The following CDKAL1 variants were observed in gnomAD, a reference collection of about 807,000 sequenced individuals.
CDKAL1 encodes the protein threonylcarbamoyladenosine tRNA methylthiotransferase.
CDKAL1 carries 32 observed loss-of-function variants against 68.2 expected under a neutral mutation model. That is an observed-to-expected ratio of 0.47 (90% CI 0.35 to 0.63). The LOEUF is 0.63. Among genes scored for constraint, CDKAL1 ranks in the 30% least tolerant of loss-of-function variants. The pLI, the probability that CDKAL1 is intolerant of heterozygous loss-of-function variation, is 0.00. For synonymous variants in CDKAL1, 234 were observed against 244.3 expected (o/e 0.96, Z 0.39); for missense variants, 606 against 696.7 (o/e 0.87, Z 1.47).
chr6:21,059,011 A>G (rs1770992761), intron 11 of CDKAL1, among the ~76,000 whole-genome samples: 1 of 152,190 alleles, frequency 6.6e-6, no homozygotes, highest in African/African-American at 2.4e-5. Context: ...AGCAGGCAGG[A>G]AAGACTAAGT....
intron 15 of CDKAL1, among the ~76,000 whole-genome samples, chr6:21,222,716 C>G (rs1779581562): frequency 6.6e-6 from 1 of 152,030 alleles, no homozygotes; most frequent in African/African-American, 2.4e-5. Flanking sequence ...GTTGTCTTGT[C>G]AATTCAAGGA....
intron 8 of CDKAL1, among the ~76,000 whole-genome samples, chr6:20,833,859 G>C (rs553425842): frequency 1.3e-5 from 2 of 152,190 alleles, no homozygotes; most frequent in East Asian, 3.9e-4. Flanking sequence ...ATGCAAGGTT[G>C]GGTAGGAGAG....
At chr6:20,659,259 A>G (rs1206427088) in intron 5 of CDKAL1, among the ~76,000 whole-genome samples, 1 of 152,232 alleles carries the variant, frequency 6.6e-6, no homozygotes, top group Non-Finnish European at 1.5e-5. Context: ...ACTTTAAATA[A>G]TACTATAGTT....
chr6:20,976,326 G>A (rs544338317), intron 10 of CDKAL1, among the ~76,000 whole-genome samples: 2 of 152,244 alleles, frequency 1.3e-5, no homozygotes, highest in Admixed American at 6.5e-5. Flanking sequence ...GTTAAGTGAA[G>A]TGATGTTTAC....
At chr6:20,618,043 A>G (rs937623828) in intron 4 of CDKAL1, among the ~76,000 whole-genome samples, 1 of 152,042 alleles carries the variant, frequency 6.6e-6, no homozygotes, top group Admixed American at 6.5e-5. Context: ...AACGGTGTAA[A>G]AGTGTTCTAT....
intron 5 of CDKAL1, among the ~76,000 whole-genome samples, chr6:20,672,234 TTC>T (rs749999617): frequency 3.8e-5 from 3 of 79,770 alleles, no homozygotes; most frequent in South Asian, 4.8e-4. Flanking sequence ...TTTCTTTTCT[TTC>T]TCTTTCTTTC....
chr6:20,558,698 C>A, intron 4 of CDKAL1: 1 of 430,724 alleles, frequency 2.3e-6, no homozygotes. Context: ...GCAGTGGTGA[C>A]AAGGTCAAGG....
chr6:20,882,027 G>A (rs1449552157), intron 9 of CDKAL1, among the ~76,000 whole-genome samples: 6 of 152,034 alleles, frequency 3.9e-5, no homozygotes, highest in Non-Finnish European at 7.4e-5. Flanking sequence ...GGAATCATGC[G>A]ATATGTAGCC....
intron 13 of CDKAL1, among the ~76,000 whole-genome samples, chr6:21,153,885 AGGACACT>A (rs1776526220): frequency 6.6e-6 from 1 of 152,178 alleles, no homozygotes; most frequent in African/African-American, 2.4e-5. Context: ...TCATTTGAGA[AGGACACT>A]GGACTTTTTT....
At chr6:21,113,256 T>C (rs1197246653) in intron 13 of CDKAL1, among the ~76,000 whole-genome samples, 5 of 152,200 alleles carry the variant, frequency 3.3e-5, no homozygotes, top group Middle Eastern at 3.2e-3. Context: ...CTTTGGTATT[T>C]TAGAAATAAC....
rs62403360 is a variant in CDKAL1 at position 20,984,738 on chromosome 6, A to G, written c.910-15489A>G. On this transcript the variant is annotated intron_variant, in intron 10 of 15. Transcript: ENST00000274695. Reference sequence around the variant, plus strand: ...TCAAGCTGCTTCTCTCTGACGTCCAACTACAATCTCCAGTGTCCAGCTGCT... The same window carrying G: ...TCAAGCTGCTTCTCTCTGACGTCCAGCTACAATCTCCAGTGTCCAGCTGCT... Among the ~76,000 whole-genome samples the G allele has an allele frequency of 8.3e-3, 1,240 of 149,066 alleles. 11 individuals are homozygous for G. The highest frequency in any genetic ancestry group is 0.014 in the Non-Finnish European group (948 of 67,586).
At chr6:20,647,040 C>T (rs75170978) in intron 4 of CDKAL1, among the ~76,000 whole-genome samples, 12,352 of 152,228 alleles carry the variant, frequency 0.081, 998 homozygotes, top group African/African-American at 0.21. Flanking sequence ...CACCTGCACC[C>T]GGCCCTTATT....
chr6:20,627,100 C>T (rs978270978), intron 4 of CDKAL1, among the ~76,000 whole-genome samples: 6 of 152,172 alleles, frequency 3.9e-5, no homozygotes, highest in African/African-American at 1.4e-4. Context: ...GTCACCATCT[C>T]TCCCGGGGAG....
At chr6:20,875,127 G>A (rs1760435436) in intron 9 of CDKAL1, among the ~76,000 whole-genome samples, 1 of 151,268 alleles carries the variant, frequency 6.6e-6, no homozygotes, top group East Asian at 2.0e-4. Context: ...GTGAAACCCC[G>A]TCTCTACTAA....
chr6:20,708,064 A>G (rs1771682799), intron 5 of CDKAL1, among the ~76,000 whole-genome samples: 1 of 152,224 alleles, frequency 6.6e-6, no homozygotes, highest in South Asian at 2.1e-4. Context: ...ACTGTGTGCT[A>G]GAAGAGTGAG....
chr6:20,892,044 A>G (rs568251440), intron 9 of CDKAL1, among the ~76,000 whole-genome samples: 19 of 152,308 alleles, frequency 1.2e-4, no homozygotes, highest in African/African-American at 4.6e-4. Flanking sequence ...TCTGTATTAA[A>G]AATAAGTGTT....
intron 7 of CDKAL1, among the ~76,000 whole-genome samples, chr6:20,770,086 C>CT (rs555890650): frequency 1.3e-5 from 2 of 151,646 alleles, no homozygotes; most frequent in South Asian, 2.1e-4. Context: ...TCTTTTTAAA[C>CT]TTTTTTTTCT....
At chr6:20,727,123 A>G (rs990473714) in intron 5 of CDKAL1, among the ~76,000 whole-genome samples, 12 of 152,182 alleles carry the variant, frequency 7.9e-5, no homozygotes, top group Admixed American at 1.3e-4. Flanking sequence ...TCTTATAGCC[A>G]TAGGAATTTA....
At chr6:21,070,444 C>T (rs1322608751) in intron 12 of CDKAL1, among the ~76,000 whole-genome samples, 1 of 145,880 alleles carries the variant, frequency 6.9e-6, no homozygotes, top group Non-Finnish European at 1.5e-5. Flanking sequence ...TGGGTCTTCC[C>T]TGGATTTCAC....
Sources: gnomAD v4.1 joint callset for allele counts (sites outside exome capture counted in the v4.1 genomes callset) on GRCh38, gnomAD v4.1.1 for gene constraint, MANE v1.5 for transcripts, NCBI Gene and HGNC (gene_info 2026-07-23, HGNC 2026-07-21) for gene names.